The following TRIM5 variants were observed in gnomAD, a reference collection of about 807,000 sequenced individuals.
TRIM5 encodes tripartite motif-containing protein 5.
In TRIM5, 31 loss-of-function variants were observed where a neutral mutation model predicts 35.6. The observed-to-expected ratio is 0.87, with a 90% CI of 0.65 to 1.18. TRIM5 has a LOEUF of 1.18. Ranked by LOEUF, TRIM5 falls within the 50% of genes most tolerant of loss-of-function variation. The probability of loss-of-function intolerance (pLI) is 0.00; values close to 1 mark genes in which losing one functional copy is unlikely to be tolerated. For synonymous variants in TRIM5, 243 were observed against 215.6 expected (o/e 1.13, Z -1.11); for missense variants, 609 against 591.6 (o/e 1.03, Z -0.31).
At chr11:5,602,011 C>A in the TRIM5 span, among the ~76,000 whole-genome samples, 1 of 152,054 alleles carries the variant, frequency 6.6e-6, no homozygotes, top group African/African-American at 2.4e-5. Context: ...CTCATTCATC[C>A]AAAGTTGAGG....
chr11:5,673,955 G>GCATCAAAGATTTCACAA (rs1486025314), intron 4 of TRIM5, among the ~76,000 whole-genome samples: 4 of 151,672 alleles, frequency 2.6e-5, no homozygotes, highest in Admixed American at 6.6e-5. Context: ...AGATTTCACA[G>GCATCAAAGATTTCACAA]CATCTAAGAT....
At chr11:5,611,059 A>G in the TRIM5 span, 18 of 1,614,082 alleles carry the variant, frequency 1.1e-5, no homozygotes, top group African/African-American at 8.0e-5. Context: ...TACTCCAGGT[A>G]TCAGCCTCAG....
the TRIM5 span, chr11:5,642,265 G>A: frequency 4.3e-5 from 27 of 632,236 alleles, no homozygotes; most frequent in Admixed American, 3.4e-4. Context: ...TCCAGGGTCC[G>A]GCTCTCCCTT....
chr11:5,643,230 C>A, the TRIM5 span: 209 of 1,613,060 alleles, frequency 1.3e-4, no homozygotes, highest in Admixed American at 1.8e-4. Flanking sequence ...GCCAATTTGG[C>A]CTTTTCAGTG....
At chr11:5,676,217 A>G (rs1033756760) in intron 4 of TRIM5, among the ~76,000 whole-genome samples, 6 of 152,228 alleles carry the variant, frequency 3.9e-5, no homozygotes, top group African/African-American at 1.4e-4. Context: ...GTATATACCC[A>G]GTAATGGGAT....
the TRIM5 span, chr11:5,633,954 C>T: frequency 5.0e-6 from 8 of 1,588,780 alleles, no homozygotes; most frequent in Non-Finnish European, 6.0e-6. Flanking sequence ...GGACCTTAAT[C>T]CAAGGAGGCC....
At chr11:5,645,906 GATATAT>G in the TRIM5 span, 1 of 129,610 alleles carries the variant, frequency 7.7e-6, no homozygotes, top group African/African-American at 3.4e-5. Context: ...TCTATATATA[GATATAT>G]ATAGATATAT....
chr11:5,594,916 G>C, the TRIM5 span, among the ~76,000 whole-genome samples: 1 of 152,148 alleles, frequency 6.6e-6, no homozygotes, highest in Non-Finnish European at 1.5e-5. Flanking sequence ...GCGTCATCCA[G>C]GGGCAATATG....
the TRIM5 span, among the ~76,000 whole-genome samples, chr11:5,646,607 G>A: frequency 4.3e-4 from 66 of 152,126 alleles, no homozygotes; most frequent in South Asian, 2.7e-3. Flanking sequence ...TTTGGGAAAC[G>A]TTTTTAGCTT....
chr11:5,681,388 T>G (rs1281167236), intron 1 of TRIM5, among the ~76,000 whole-genome samples: 1 of 152,206 alleles, frequency 6.6e-6, no homozygotes, highest in African/African-American at 2.4e-5. Context: ...CTTATATACC[T>G]TCTAAGCTAT....
the TRIM5 span, among the ~76,000 whole-genome samples, chr11:5,614,459 C>T: frequency 6.6e-6 from 1 of 152,170 alleles, no homozygotes; most frequent in Admixed American, 6.5e-5. Context: ...TAGGGCTAAA[C>T]CTAACTGTAA....
the TRIM5 span, among the ~76,000 whole-genome samples, chr11:5,623,105 C>CTTTTT: frequency 1.9e-4 from 20 of 106,804 alleles, no homozygotes; most frequent in Non-Finnish European, 3.0e-4. Flanking sequence ...CTGTCTGGAG[C>CTTTTT]TTTTTTTTTT....
chr11:5,604,788 A>T, the TRIM5 span: 3 of 665,932 alleles, frequency 4.5e-6, no homozygotes, highest in Non-Finnish European at 7.1e-6. Context: ...AAACAGGGGG[A>T]GGAGAGGAGG....
the TRIM5 span, among the ~76,000 whole-genome samples, chr11:5,600,761 G>A: frequency 2.0e-5 from 3 of 152,064 alleles, no homozygotes; most frequent in Non-Finnish European, 2.9e-5. Flanking sequence ...AGAGAATTCT[G>A]CCTGCTCCCT....
chr11:5,607,003 A>T, the TRIM5 span, among the ~76,000 whole-genome samples: 1 of 152,154 alleles, frequency 6.6e-6, no homozygotes, highest in Non-Finnish European at 1.5e-5. Flanking sequence ...GGAGATTGAG[A>T]CCATCCTGGC....
At chr11:5,671,153 G>A (rs1246827039) in intron 4 of TRIM5, among the ~76,000 whole-genome samples, 1 of 152,022 alleles carries the variant, frequency 6.6e-6, no homozygotes, top group Non-Finnish European at 1.5e-5. Context: ...TTGAGTTCAG[G>A]ATGTCGAGGC....
chr11:5,643,254 G>A, the TRIM5 span: 3 of 1,613,958 alleles, frequency 1.9e-6, no homozygotes, highest in Non-Finnish European at 2.5e-6. Flanking sequence ...TAATTATGGT[G>A]TCTTGGGATC....
chr11:5,642,862 T>C, the TRIM5 span: 25 of 1,613,712 alleles, frequency 1.5e-5, no homozygotes, highest in Non-Finnish European at 3.4e-6. Flanking sequence ...AAGTTAGTCT[T>C]TAAATAACTG....
At chr11:5,652,142 T>C in the TRIM5 span, among the ~76,000 whole-genome samples, 1 of 152,208 alleles carries the variant, frequency 6.6e-6, no homozygotes, top group African/African-American at 2.4e-5. Context: ...TTGGTTTTTT[T>C]TGCTGTGCAG....
Sources: allele counts gnomAD v4.1 joint callset (sites outside exome capture counted in the v4.1 genomes callset), GRCh38; gene constraint gnomAD v4.1.1; transcripts MANE v1.5; gene names NCBI Gene and HGNC (gene_info 2026-07-23, HGNC 2026-07-21).